Variants in CHD2 observed in about 807,000 individuals in gnomAD.
CHD2 encodes ATP-dependent chromatin remodeler CHD2.
In CHD2, 28 loss-of-function variants were observed where a neutral mutation model predicts 243.9. The ratio of observed to expected loss-of-function variants is 0.11; its 90% CI spans 0.09 to 0.16. The LOEUF (loss-of-function observed/expected upper bound fraction) is 0.16. Ranked by LOEUF, CHD2 falls within the 10% of genes least tolerant of loss-of-function variation. CHD2 has a pLI of 1.00. For missense variants in CHD2, 1,386 were observed against 2,209.8 expected (o/e 0.63, Z 7.47); for synonymous variants, 775 against 779.0 (o/e 0.99, Z 0.09).
chr15:92,916,163 C>G (rs1176445741), intron 2 of CHD2, among the ~76,000 whole-genome samples: 1 of 152,244 alleles, frequency 6.6e-6, no homozygotes, highest in East Asian at 1.9e-4. Context: ...CAGTGTGCAT[C>G]TTACACATAT....
At chr15:92,978,118 A>G in intron 20 of CHD2, 116 bp from the exon 21 acceptor site, 2 of 1,187,284 alleles carry the variant, frequency 1.7e-6, no homozygotes, top group Non-Finnish European at 2.5e-6. Flanking sequence ...AAGTTTGTCC[A>G]TCATATCTCA....
rs1228432142 is a variant in CHD2 at position 92,910,883 on chromosome 15, A to G, written c.62+9584A>G. On this transcript the variant is annotated intron_variant, in intron 2 of 38. Coordinates refer to ENST00000394196, the MANE Select transcript of CHD2 (RefSeq NM_001271.4). ...GTAGTTGTATGAACATCTCACACAA[A>G]CCTAGGTATAGCCTACTGCACACTT... Among the ~76,000 whole-genome samples, 5 of 152,152 alleles carry G rather than the reference A, an allele frequency of 3.3e-5. No individual in the cohort carries two copies. In the South Asian group the frequency reaches 8.3e-4, roughly 25 times the overall value.
chr15:92,976,804 C>A (rs966236337), intron 20 of CHD2, among the ~76,000 whole-genome samples: 1 of 151,210 alleles, frequency 6.6e-6, no homozygotes, highest in Admixed American at 6.6e-5. Flanking sequence ...AGGAGACAGG[C>A]AGGAGGATCC....
intron 38 of CHD2, among the ~76,000 whole-genome samples, chr15:93,024,105 G>T (rs1216922315): frequency 6.6e-6 from 1 of 152,014 alleles, no homozygotes; most frequent in Non-Finnish European, 1.5e-5. Context: ...GATCTTACCA[G>T]ATTTTTCCTA....
chr15:92,982,380 T>C (rs527357079), intron 24 of CHD2, among the ~76,000 whole-genome samples: 3 of 152,288 alleles, frequency 2.0e-5, no homozygotes, highest in African/African-American at 7.2e-5. Flanking sequence ...GGGAGGAACC[T>C]GATAGGGAGT....
chr15:92,958,089 G>T (rs548320798), intron 16 of CHD2, among the ~76,000 whole-genome samples: 21 of 152,228 alleles, frequency 1.4e-4, no homozygotes, highest in African/African-American at 4.8e-4. Context: ...TCTTTGTGTG[G>T]ACATATGTTT....
At position 92,900,830 on chromosome 15, in the gene CHD2, T is replaced by A; in HGVS notation, c.-72+6T>A. Reference sequence around the variant, plus strand: ...GGACATACTACATGGATCAGGTAAGTTCACGATCATTGGTGATAATTTTAA... The same window carrying A: ...GGACATACTACATGGATCAGGTAAGATCACGATCATTGGTGATAATTTTAA... On this transcript the variant is annotated splice_donor_region_variant and intron_variant, in intron 1 of 38. Transcript: ENST00000394196. The A allele has an allele frequency of 2.4e-6, 1 of 408,248 alleles. No homozygotes were observed. The highest frequency in any genetic ancestry group is 4.3e-6 in the Non-Finnish European group (1 of 232,750). The allele number at this position is 408,248 out of a possible 1,614,324, so 25.3% of individuals were successfully genotyped here.
chr15:93,024,738 C>T lies in CHD2; in HGVS notation c.*33C>T, dbSNP rs2054572333. 1 of 1,549,714 alleles carries T rather than the reference C, an allele frequency of 6.5e-7. No homozygotes were observed. The highest frequency in any genetic ancestry group is 1.2e-5 in the South Asian group (1 of 82,482). On this transcript the variant is annotated 3_prime_UTR_variant, in exon 39 of 39. Transcript: ENST00000394196. ...CTCGTAAAGGAGAGAGTAAGAGTCA[C>T]CAAACACGTGGATATTTTTGGTCTG...
intron 28 of CHD2, among the ~76,000 whole-genome samples, chr15:92,995,110 G>A (rs1049982859): frequency 6.6e-6 from 1 of 152,130 alleles, no homozygotes; most frequent in African/African-American, 2.4e-5. Context: ...AATGCGAAGT[G>A]TGATTTCTTT....
At chr15:92,991,075 G>A (rs1387984295) in intron 26 of CHD2, among the ~76,000 whole-genome samples, 3 of 152,170 alleles carry the variant, frequency 2.0e-5, no homozygotes, top group Admixed American at 1.3e-4. Flanking sequence ...AGGTAACAGT[G>A]GTGAACTGAA....
intron 19 of CHD2, among the ~76,000 whole-genome samples, chr15:92,973,004 A>G (rs1211024052): frequency 6.6e-6 from 1 of 152,176 alleles, no homozygotes; most frequent in Non-Finnish European, 1.5e-5. Context: ...AAGATAAAAA[A>G]AGGATGTCAG....
intron 5 of CHD2, among the ~76,000 whole-genome samples, chr15:92,933,488 T>A (rs547641404): frequency 1.3e-5 from 2 of 152,360 alleles, no homozygotes; most frequent in East Asian, 3.9e-4. Context: ...GAACTTTTTT[T>A]AACCAACTCA....
In CHD2 at chr15:93,024,782, A is replaced by T. The variant is rs1053717508; in HGVS notation, c.*77A>T. 3.8e-5 allele frequency: 47 copies of T among 1,253,194 alleles called. No homozygotes were observed. The highest frequency in any genetic ancestry group is 5.1e-5 in the Non-Finnish European group (46 of 901,584). 77.6% of individuals were successfully genotyped at this position (1,253,194 alleles called of 1,614,324 possible). On this transcript the variant is annotated 3_prime_UTR_variant, in exon 39 of 39. Coordinates refer to ENST00000394196, the MANE Select transcript of CHD2 (RefSeq NM_001271.4). Reference sequence around the variant, plus strand: ...TGGTCTGATCCTACAGTAGCCGGTTATCTAGACCAGTAAGTGGAGTTTTGG... The same window carrying T: ...TGGTCTGATCCTACAGTAGCCGGTTTTCTAGACCAGTAAGTGGAGTTTTGG...
At chr15:92,920,202 C>T (rs570412316) in intron 2 of CHD2, among the ~76,000 whole-genome samples, 2 of 152,028 alleles carry the variant, frequency 1.3e-5, no homozygotes, top group African/African-American at 2.4e-5. Flanking sequence ...CTAGGAATCA[C>T]TCTCCTACAC....
chr15:92,991,527 G>A lies in CHD2; in HGVS notation c.3455+10G>A. 1 of 1,595,866 alleles carries A rather than the reference G, an allele frequency of 6.3e-7. No homozygotes were observed. The highest frequency in any genetic ancestry group is 1.7e-4 in the Middle Eastern group (1 of 6,022). On this transcript the variant is annotated intron_variant, in intron 27 of 38. Coordinates refer to ENST00000394196, the MANE Select transcript of CHD2 (RefSeq NM_001271.4). ...GTCTCCCTCTTGAACGGTAAGTTCA[G>A]TGTAATAGTCCCTTATCTTCCTCTT...
chr15:92,990,084 G>A (rs1472349456), intron 26 of CHD2, among the ~76,000 whole-genome samples: 1 of 152,122 alleles, frequency 6.6e-6, no homozygotes, highest in Non-Finnish European at 1.5e-5. Context: ...AATGAATTTT[G>A]GACAGGGCTA....
chr15:93,008,529 G>C lies in CHD2; in HGVS notation c.4414-616G>C, dbSNP rs188014063. On this transcript the variant is annotated intron_variant, in intron 34 of 38. Transcript: ENST00000394196. Reference sequence around the variant, plus strand: ...TAGTTCTAGGCTGTCTTCCCTCCTGGCTTCGAATTTCATTTTCTCAGGTCT... The same window carrying C: ...TAGTTCTAGGCTGTCTTCCCTCCTGCCTTCGAATTTCATTTTCTCAGGTCT... Among the ~76,000 whole-genome samples, 4 of 152,196 alleles carry C rather than the reference G, an allele frequency of 2.6e-5. No individual in the cohort carries two copies. In the South Asian group the frequency reaches 8.3e-4, roughly 32 times the overall value.
At chr15:92,950,424 C>A (rs1029784507) in intron 13 of CHD2, 5 of 152,202 alleles carry the variant, frequency 3.3e-5, no homozygotes, top group African/African-American at 1.2e-4. Flanking sequence ...CCTTACAGAA[C>A]ATGCAGTGTA....
intron 33 of CHD2, among the ~76,000 whole-genome samples, chr15:93,002,540 G>A (rs1310867243): frequency 6.6e-6 from 1 of 152,160 alleles, no homozygotes; most frequent in Non-Finnish European, 1.5e-5. Context: ...CCTTTACTTG[G>A]TCTTTTATGA....
Sources: gnomAD v4.1 joint callset for allele counts (sites outside exome capture counted in the v4.1 genomes callset) on GRCh38, gnomAD v4.1.1 for gene constraint, MANE v1.5 for transcripts, NCBI Gene and HGNC (gene_info 2026-07-23, HGNC 2026-07-21) for gene names.